OXNAD1: variants seen among roughly 807,000 people sequenced by gnomAD.
OXNAD1 encodes the protein oxidoreductase NAD binding domain containing 1, also known as oxidoreductase NAD-binding domain-containing protein 1.
Under a neutral mutation model 32.9 loss-of-function variants are expected in OXNAD1, and 34 were observed. The observed-to-expected ratio is 1.03, with a 90% CI of 0.79 to 1.38. The LOEUF is 1.38. Among genes scored for constraint, OXNAD1 ranks in the 40% most tolerant of loss-of-function variants. The probability of loss-of-function intolerance (pLI) is 0.00; values close to 1 mark genes in which losing one functional copy is unlikely to be tolerated. For synonymous variants in OXNAD1, 134 were observed against 135.2 expected, an observed-to-expected ratio of 0.99 and a Z score of 0.06; for missense variants, 407 against 379.4, an observed-to-expected ratio of 1.07 and a Z score of -0.60.
In OXNAD1 at chr3:16,316,134, C is replaced by A. The variant is rs528792217; in HGVS notation, c.*30+12542C>A. On this transcript the variant is annotated intron_variant, in intron 9 of 9. Coordinates refer to the OXNAD1 transcript ENST00000435829. This position sits in a 1 kb window ranked among gnomAD's most constrained non-coding sequence, Gnocchi z 4.5. ...TGTGGTTTGTATGATGTGCTGAGTA[C>A]AAAACCTTTAAAAACAACTTTTTGG... 2 of 153,258 alleles carry A rather than the reference C, an allele frequency of 1.3e-5. No individual in the cohort carries two copies. The highest frequency in any genetic ancestry group is 2.9e-5 in the Non-Finnish European group (2 of 68,540). 9.5% of individuals were successfully genotyped at this position (153,258 alleles called of 1,614,324 possible).
At position 16,348,654 on chromosome 3, in the gene OXNAD1, T is replaced by C. The variant is rs1484208383; in HGVS notation, c.*31-522T>C. Among the ~76,000 whole-genome samples the C allele has an allele frequency of 6.6e-6, 1 of 152,216 alleles. No homozygotes were observed. Among genetic ancestry groups the C allele is most frequent in the Non-Finnish European group, 1.5e-5 (1 of 68,030 alleles). On this transcript the variant is annotated intron_variant, in intron 9 of 9. Transcript: ENST00000606098. The surrounding 1 kb of genome is among the most constrained non-coding windows in gnomAD (Gnocchi z 6.3). ...TGTGGGGCCTCAGCAAATGCCCCTT[T>C]GCATCCTTGTTCCTGGGCATCAAAA... is the stretch of plus-strand genomic sequence containing the variant.
chr3:16,281,488 A>C lies in OXNAD1; in HGVS notation c.184-4854A>C, dbSNP rs139977566. Among the ~76,000 whole-genome samples the C allele has an allele frequency of 9.6e-4, 146 of 152,348 alleles. 1 individual carries two copies. The highest frequency in any genetic ancestry group is 3.9e-3 in the South Asian group (19 of 4,826). On this transcript the variant is annotated intron_variant, in intron 4 of 8. Coordinates refer to ENST00000285083, the MANE Select transcript of OXNAD1 (RefSeq NM_138381.5). ...TTTTCACATGAGAGATGTTCAACCT[A>C]TAAGTATAATGCAAATATTCCAAAA...
At chr3:16,286,598 C>G in intron 5 of OXNAD1, 150 bp downstream of exon 5, 6 of 685,684 alleles carry the variant, frequency 8.8e-6, no homozygotes, top group Non-Finnish European at 1.5e-5. Context: ...TTTGTTGGCA[C>G]AGAGGATCTG....
intron 4 of OXNAD1, among the ~76,000 whole-genome samples, chr3:16,281,271 T>C (rs1254785908): frequency 6.6e-6 from 1 of 152,232 alleles, no homozygotes; most frequent in African/African-American, 2.4e-5. Context: ...GTATTTTATG[T>C]TCCAGATATA....
chr3:16,347,368 G>A (rs73039454), intron 9 of OXNAD1, among the ~76,000 whole-genome samples: 1,540 of 152,358 alleles, frequency 0.01, 14 homozygotes, highest in Non-Finnish European at 0.016. Context: ...CACAGTTCTG[G>A]AAGCCAGAAG....
intron 4 of OXNAD1, among the ~76,000 whole-genome samples, chr3:16,279,254 T>C (rs1026431403): frequency 2.0e-5 from 3 of 151,988 alleles, no homozygotes; most frequent in Non-Finnish European, 4.4e-5. Flanking sequence ...GGACTGCAGC[T>C]CTTAGAAAAA....
At chr3:16,311,175 T>C (rs1471539381) in intron 9 of OXNAD1, among the ~76,000 whole-genome samples, 3 of 131,238 alleles carry the variant, frequency 2.3e-5, no homozygotes, top group Non-Finnish European at 4.6e-5. Flanking sequence ...TCTTTGGGTC[T>C]TTTTTTAAAA....
rs1042491762 is a variant in OXNAD1 at position 16,320,601 on chromosome 3, A to G, written c.*31-16511A>G. 6.6e-6 allele frequency among the ~76,000 whole-genome samples: 1 copy of G among 152,228 alleles called. No individual in the cohort carries two copies. Among genetic ancestry groups the G allele is most frequent in the African/African-American group, 2.4e-5 (1 of 41,456 alleles). On this transcript the variant is annotated intron_variant, in intron 9 of 9. Coordinates refer to the OXNAD1 transcript ENST00000435829. This position sits in a 1 kb window ranked among gnomAD's most constrained non-coding sequence, Gnocchi z 4.5. ...AGCCCAAAGGAGAGCTCTGAAGGAG[A>G]AGAACGTGGTTCTTTTCCAGGGTAG...
chr3:16,332,834 T>C (rs1194687814), intron 9 of OXNAD1, among the ~76,000 whole-genome samples: 23 of 121,706 alleles, frequency 1.9e-4, no homozygotes, highest in Non-Finnish European at 3.5e-4. Context: ...TGGGCATCGA[T>C]TTATCTACCT....
In OXNAD1 at chr3:16,336,949, A is replaced by G. The variant is rs2070913964; in HGVS notation, c.*31-163A>G. On this transcript the variant is annotated intron_variant, in intron 9 of 9. Coordinates refer to the OXNAD1 transcript ENST00000435829. This position sits in a 1 kb window ranked among gnomAD's most constrained non-coding sequence, Gnocchi z 6.0. ...CTGTGTCCAGGCCACTTTCCAACAC[A>G]GCTCGGCAGCTCCTCCCATAAGAGG... 6.6e-6 allele frequency among the ~76,000 whole-genome samples: 1 copy of G among 152,258 alleles called. No homozygotes were observed. Among genetic ancestry groups the G allele is most frequent in the Non-Finnish European group, 1.5e-5 (1 of 68,042 alleles).
chr3:16,308,172 CTGAG>C (rs1215120975), downstream of OXNAD1, among the ~76,000 whole-genome samples: 1 of 152,164 alleles, frequency 6.6e-6, no homozygotes, highest in Non-Finnish European at 1.5e-5. The surrounding 1 kb of genome is among the most constrained non-coding windows in gnomAD (Gnocchi z 4.4). Flanking sequence ...CTGGAAATAA[CTGAG>C]TAACACATTG....
At chr3:16,274,848 T>C (rs2065208520) in intron 4 of OXNAD1, among the ~76,000 whole-genome samples, 1 of 152,246 alleles carries the variant, frequency 6.6e-6, no homozygotes. Flanking sequence ...TGGAAAATTA[T>C]CAACTAATAA....
At chr3:16,323,774 AG>A (rs1381541766) in intron 9 of OXNAD1, among the ~76,000 whole-genome samples, 5 of 152,246 alleles carry the variant, frequency 3.3e-5, no homozygotes, top group Non-Finnish European at 7.3e-5. Context: ...TGGATCTCAA[AG>A]GGGCAGGGGC....
rs1462144934 is a variant in OXNAD1 at position 16,302,510 on chromosome 3, ATCTC to A, written c.676-126_676-123del. ...TCTGGCCTGCTAGGCTGCAAACAATATCTCTCTAAGTAGAGAGCGAGAGCGGCAG... is the reference window on the plus strand; with the variant it reads ...TCTGGCCTGCTAGGCTGCAAACAATATCTAAGTAGAGAGCGAGAGCGGCAG... On this transcript the variant is annotated intron_variant, in intron 7 of 8. Transcript: ENST00000285083. This position sits in a 1 kb window ranked among gnomAD's most constrained non-coding sequence, Gnocchi z 4.2. 4 of 644,456 alleles carry A rather than the reference ATCTC, an allele frequency of 6.2e-6. No homozygotes were observed. The highest frequency in any genetic ancestry group is 5.5e-5 in the African/African-American group (3 of 54,184). The allele number at this position is 644,456 out of a possible 1,614,324, so 39.9% of individuals were successfully genotyped here.
rs2064969713 is a variant in OXNAD1, at chr3:16,271,919, T to C, written c.183+197T>C. On this transcript the variant is annotated intron_variant, in intron 4 of 8. Transcript: ENST00000285083. This position sits in a 1 kb window ranked among gnomAD's most constrained non-coding sequence, Gnocchi z 4.6. ...AAAAGATGACAGATACTCAAATTTT[T>C]CCCTTTAAACTTGGAATGAATGGAT... 6.6e-6 allele frequency among the ~76,000 whole-genome samples: 1 copy of C among 152,210 alleles called. No individual in the cohort carries two copies. The highest frequency in any genetic ancestry group is 6.5e-5 in the Admixed American group (1 of 15,284).
At chr3:16,323,967 G>A (rs917466937) in intron 9 of OXNAD1, among the ~76,000 whole-genome samples, 22 of 152,204 alleles carry the variant, frequency 1.4e-4, no homozygotes, top group African/African-American at 5.3e-4. Context: ...CTGCAAGGCA[G>A]TGCCTGTTAA....
In OXNAD1 at chr3:16,316,962, C is replaced by T; in HGVS notation, c.*30+13370C>T. 5 of 1,614,044 alleles carry T rather than the reference C, an allele frequency of 3.1e-6. No individual in the cohort carries two copies. The highest frequency in any genetic ancestry group is 4.2e-6 in the Non-Finnish European group (5 of 1,180,008). On this transcript the variant is annotated intron_variant, in intron 9 of 9. Transcript: ENST00000435829. The surrounding 1 kb of genome is among the most constrained non-coding windows in gnomAD (Gnocchi z 4.5). ...TGGCTGGCAGGACCATTCTGCACAGCCTCACCCTCCACACCCACCCCACAC... is the reference window on the plus strand; with the variant it reads ...TGGCTGGCAGGACCATTCTGCACAGTCTCACCCTCCACACCCACCCCACAC...
At chr3:16,267,972 T>C (rs1302443709) in intron 1 of OXNAD1, among the ~76,000 whole-genome samples, 1 of 152,228 alleles carries the variant, frequency 6.6e-6, no homozygotes, top group Non-Finnish European at 1.5e-5. Context: ...ATTATACTTT[T>C]CTGCATTTCA....
chr3:16,295,161 T>C (rs2066697055), intron 6 of OXNAD1, among the ~76,000 whole-genome samples, 164 bp downstream of exon 6: 2 of 152,184 alleles, frequency 1.3e-5, no homozygotes, highest in Admixed American at 1.3e-4. Flanking sequence ...ATGCATTAAG[T>C]ATGAGTCAGA....
Sources: gnomAD v4.1 joint callset for allele counts (sites outside exome capture counted in the v4.1 genomes callset) on GRCh38, gnomAD v4.1.1 for gene constraint, Gnocchi (gnomAD v3.1) non-coding constraint, MANE v1.5 for transcripts, NCBI Gene and HGNC (gene_info 2026-07-23, HGNC 2026-07-21) for gene names.